Variants in WWOX observed in about 807,000 individuals in gnomAD.
The protein encoded by WWOX is WW domain containing oxidoreductase.
A neutral mutation model predicts 46.2 loss-of-function variants in WWOX; 69 were observed. That is an observed-to-expected ratio of 1.49 (90% CI 1.23 to 1.82). The LOEUF is 1.82. Ranked by LOEUF, WWOX falls within the 40% of genes most tolerant of loss-of-function variation. The pLI is 0.00. For synonymous variants in WWOX, 359 were observed against 202.6 expected (o/e 1.77, Z -6.56); for missense variants, 919 against 542.6 (o/e 1.69, Z -6.89).
At chr16:78,531,874 T>C (rs1017307261) in intron 8 of WWOX, among the ~76,000 whole-genome samples, 7 of 151,996 alleles carry the variant, frequency 4.6e-5, no homozygotes, top group South Asian at 4.2e-4. Context: ...AACAAACAAA[T>C]AAATAAATAA....
At chr16:78,455,970 C>T (rs1464050550) in intron 8 of WWOX, among the ~76,000 whole-genome samples, 1 of 152,212 alleles carries the variant, frequency 6.6e-6, no homozygotes, top group East Asian at 1.9e-4. Context: ...CCGGCAGTGG[C>T]TATAGGCCAG....
At chr16:78,588,233 G>C (rs904651399) in intron 8 of WWOX, among the ~76,000 whole-genome samples, 1 of 152,232 alleles carries the variant, frequency 6.6e-6, no homozygotes, top group African/African-American at 2.4e-5. Flanking sequence ...GATGACAATA[G>C]CCTCAAACTT....
rs976352380 is a variant in WWOX, at chr16:78,345,178, C to T, written c.517-41682C>T. ...CTGAGGAGCAGTACATGGGGGTATA[C>T]AGAGTGCAGGCCTCAGAACTGCAGA... is the stretch of plus-strand genomic sequence containing the variant. On this transcript the variant is annotated intron_variant, in intron 5 of 8. Transcript: ENST00000566780. 1.7e-5 allele frequency among the ~76,000 whole-genome samples: 2 copies of T among 117,804 alleles called. 1 individual carries two copies. Among genetic ancestry groups the T allele is most frequent in the African/African-American group, 5.8e-5 (2 of 34,772 alleles). The allele number at this position is 117,804 out of a possible 152,430, so 77.3% of individuals were successfully genotyped here.
intron 8 of WWOX, among the ~76,000 whole-genome samples, chr16:78,498,129 T>C (rs12449062): frequency 0.84 from 124,449 of 148,418 alleles, 54,339 homozygotes; most frequent in Non-Finnish European, 0.96. Context: ...GGCATGAACA[T>C]GGGAGGTGGA....
intron 4 of WWOX, among the ~76,000 whole-genome samples, chr16:78,144,302 C>G (rs2034089103): frequency 6.7e-6 from 1 of 149,672 alleles, no homozygotes; most frequent in African/African-American, 2.5e-5. Context: ...TTTTAGGTTT[C>G]CATGGGAGAA....
intron 8 of WWOX, among the ~76,000 whole-genome samples, chr16:78,461,536 C>A (rs989778319): frequency 3.3e-5 from 5 of 152,204 alleles, no homozygotes; most frequent in Non-Finnish European, 7.3e-5. Context: ...CAGATCCTTT[C>A]GCAAGGATCC....
rs562839712 is a variant in WWOX at position 78,862,139 on chromosome 16, T to C, written c.1057-349469T>C. ...CTATGGGTGTGTCTATCTATATCTA[T>C]ACACACCTATGGGTGTGTCTGTCTG... On this transcript the variant is annotated intron_variant, in intron 8 of 8. Coordinates refer to ENST00000566780, the MANE Select transcript of WWOX (RefSeq NM_016373.4). 1.6e-3 allele frequency among the ~76,000 whole-genome samples: 224 copies of C among 139,132 alleles called. 12 individuals carry two copies. In the South Asian group the frequency reaches 0.045, roughly 28 times the overall value. The allele number at this position is 139,132 out of a possible 152,430, so 91.3% of individuals were successfully genotyped here. A position where few individuals can be genotyped will look rare whatever the true frequency, so the allele number is the denominator to read the frequency against.
chr16:78,880,887 C>T (rs2044328580), intron 8 of WWOX, among the ~76,000 whole-genome samples: 1 of 151,732 alleles, frequency 6.6e-6, no homozygotes, highest in African/African-American at 2.4e-5. Flanking sequence ...GATATCAGAT[C>T]AGGTCAGACG....
intron 8 of WWOX, among the ~76,000 whole-genome samples, chr16:79,074,132 T>C (rs1359244869): frequency 6.6e-6 from 1 of 152,106 alleles, no homozygotes; most frequent in Non-Finnish European, 1.5e-5. Flanking sequence ...AATGTTGACG[T>C]TAAAGCAGTT....
chr16:79,015,724 C>T (rs926537738), intron 8 of WWOX, among the ~76,000 whole-genome samples: 1 of 152,140 alleles, frequency 6.6e-6, no homozygotes, highest in African/African-American at 2.4e-5. Context: ...GCTGTTTCGT[C>T]TCTGATCCTG....
At chr16:78,129,660 T>A (rs1456473213) in intron 4 of WWOX, among the ~76,000 whole-genome samples, 1 of 152,064 alleles carries the variant, frequency 6.6e-6, no homozygotes, top group East Asian at 1.9e-4. Flanking sequence ...GGCCTCCAGA[T>A]GTTTTTTGTA....
At chr16:79,165,883 C>T (rs762371322) in intron 8 of WWOX, among the ~76,000 whole-genome samples, 4 of 152,234 alleles carry the variant, frequency 2.6e-5, no homozygotes, top group Admixed American at 6.5e-5. Flanking sequence ...CGTCCCTCTT[C>T]TATTACCTTC....
intron 8 of WWOX, among the ~76,000 whole-genome samples, chr16:79,062,149 G>C (rs1567523407): frequency 6.6e-6 from 1 of 152,192 alleles, no homozygotes; most frequent in Non-Finnish European, 1.5e-5. Context: ...TGAAGGTTAG[G>C]GAGACTGGGG....
chr16:78,843,364 C>G (rs879417475), intron 8 of WWOX, among the ~76,000 whole-genome samples: 1 of 150,074 alleles, frequency 6.7e-6, no homozygotes, highest in Non-Finnish European at 1.5e-5. Context: ...ATCTGGAAAA[C>G]GATTATTGTG....
chr16:78,503,561 G>T (rs1289957845), intron 8 of WWOX: 1 of 152,018 alleles, frequency 6.6e-6, no homozygotes, highest in Non-Finnish European at 1.5e-5. Flanking sequence ...TAATTGATGT[G>T]CCATGATCTT....
chr16:79,098,549 A>T (rs8049467), intron 8 of WWOX, among the ~76,000 whole-genome samples: 19,482 of 152,224 alleles, frequency 0.13, 1,296 homozygotes, highest in East Asian at 0.18. Context: ...TCCAAAAGCA[A>T]TTATCACAGT....
At chr16:78,388,580 G>C (rs2151935375) in intron 6 of WWOX, among the ~76,000 whole-genome samples, 1 of 150,052 alleles carries the variant, frequency 6.7e-6, no homozygotes, top group East Asian at 2.1e-4. Flanking sequence ...CTGGGAGGCA[G>C]AGGTTGCAGT....
At chr16:78,559,058 C>G (rs1238106464) in intron 8 of WWOX, among the ~76,000 whole-genome samples, 1 of 152,182 alleles carries the variant, frequency 6.6e-6, no homozygotes, top group Non-Finnish European at 1.5e-5. Context: ...CGTGGAAGGA[C>G]ACATAGTTCC....
At chr16:78,487,279 A>G (rs762971327) in intron 8 of WWOX, among the ~76,000 whole-genome samples, 13 of 151,658 alleles carry the variant, frequency 8.6e-5, no homozygotes, top group Non-Finnish European at 1.9e-4. Context: ...GGTTTCCCTG[A>G]ATGACTAAAG....
Sources: gnomAD v4.1 joint callset for allele counts (sites outside exome capture counted in the v4.1 genomes callset) on GRCh38, gnomAD v4.1.1 for gene constraint, MANE v1.5 for transcripts, NCBI Gene and HGNC (gene_info 2026-07-23, HGNC 2026-07-21) for gene names.